Variants in INSYN2B observed in about 807,000 individuals in gnomAD.
INSYN2B encodes protein INSYN2B.
A neutral mutation model predicts 41.2 loss-of-function variants in INSYN2B; 16 were observed. The ratio of observed to expected loss-of-function variants is 0.39; its 90% CI spans 0.26 to 0.59. The LOEUF (loss-of-function observed/expected upper bound fraction) is 0.59, where lower values mean the gene tolerates loss of function less well. Ranked by LOEUF, INSYN2B falls within the 20% of genes least tolerant of loss-of-function variation. The pLI is 0.57. For synonymous variants in INSYN2B, 245 were observed against 244.4 expected (o/e 1.00, Z -0.02); for missense variants, 608 against 646.4 (o/e 0.94, Z 0.64).
intron 1 of INSYN2B, among the ~76,000 whole-genome samples, chr5:169,907,985 A>G (rs1035288033): frequency 5.3e-5 from 8 of 152,278 alleles, no homozygotes; most frequent in South Asian, 2.1e-4. Flanking sequence ...CCCAGTCTCC[A>G]CTGAAGTGTT....
At chr5:169,950,637 G>A (rs529665571) in intron 1 of INSYN2B, among the ~76,000 whole-genome samples, 142 of 152,342 alleles carry the variant, frequency 9.3e-4, no homozygotes, top group Non-Finnish European at 1.5e-3. Flanking sequence ...GAGGCCTCAG[G>A]TGTACTCTTT....
chr5:169,949,646 G>C (rs1451196281), intron 1 of INSYN2B, among the ~76,000 whole-genome samples: 1 of 151,228 alleles, frequency 6.6e-6, no homozygotes, highest in Non-Finnish European at 1.5e-5. Flanking sequence ...GATTTCTTTG[G>C]GCTGTGGCTC....
intron 1 of INSYN2B, among the ~76,000 whole-genome samples, chr5:169,893,218 C>G (rs1173577177): frequency 1.3e-5 from 2 of 152,218 alleles, no homozygotes; most frequent in Non-Finnish European, 2.9e-5. Flanking sequence ...GGTACATTCA[C>G]CCCTCTAGCC....
chr5:169,915,557 AACACACACACACACACACACACACACAC>A (rs56728646), intron 1 of INSYN2B, among the ~76,000 whole-genome samples: 1 of 143,384 alleles, frequency 7.0e-6, no homozygotes, highest in African/African-American at 2.6e-5. Flanking sequence ...ATTGACAGGG[AACACACACACACACACACACACACACAC>A]ACACACACAC....
Position 169,933,097 on chromosome 5 carries a change from GC to G in INSYN2B, c.-919+47179del, listed in dbSNP as rs770209577. On this transcript the variant is annotated intron_variant, in intron 1 of 3. Transcript: ENST00000377365. The stretch of plus-strand genomic sequence containing the variant: ...CCTACAGTCGTTAAGTAAGAGAGAT[GC>G]CCTTACTCCCGACCCTCTCACCTGA... Among the ~76,000 whole-genome samples the G allele has an allele frequency of 2.0e-5, 3 of 152,314 alleles. No individual in the cohort carries two copies. The South Asian group carries it at 6.2e-4, about 32-fold the overall frequency.
intron 1 of INSYN2B, among the ~76,000 whole-genome samples, chr5:169,962,014 G>A (rs977614920): frequency 4.1e-5 from 6 of 145,664 alleles, no homozygotes; most frequent in Non-Finnish European, 8.9e-5. Context: ...AAGAATAGAG[G>A]CCAGAACTTA....
intron 1 of INSYN2B, among the ~76,000 whole-genome samples, chr5:169,913,789 A>T (rs1210069276): frequency 6.6e-6 from 1 of 152,198 alleles, no homozygotes; most frequent in Non-Finnish European, 1.5e-5. Flanking sequence ...TTGATCAATG[A>T]GGAATTAGAT....
rs114791838 is a variant in INSYN2B at position 169,895,057 on chromosome 5, A to G, written c.-918-10241T>C. Among the ~76,000 whole-genome samples the G allele has an allele frequency of 3.9e-3, 593 of 152,212 alleles. 1 individual carries two copies. The highest frequency in any genetic ancestry group is 7.0e-3 in the Non-Finnish European group (473 of 68,000). On this transcript the variant is annotated intron_variant, in intron 1 of 3. Transcript: ENST00000377365. ...AGACCATTGCTGGAATCGATGTTGCATTCTGGGACTTAGGCTCTCTGCCTG... is the reference window on the plus strand; with the variant it reads ...AGACCATTGCTGGAATCGATGTTGCGTTCTGGGACTTAGGCTCTCTGCCTG...
At chr5:169,898,346 C>G (rs1011609179) in intron 1 of INSYN2B, among the ~76,000 whole-genome samples, 1 of 152,180 alleles carries the variant, frequency 6.6e-6, no homozygotes, top group African/African-American at 2.4e-5. Context: ...CCCACAGCAG[C>G]CAGGTGTACT....
At chr5:169,893,162 C>T (rs753102487) in intron 1 of INSYN2B, among the ~76,000 whole-genome samples, 27 of 152,178 alleles carry the variant, frequency 1.8e-4, no homozygotes, top group Non-Finnish European at 3.4e-4. Context: ...CTTGAATTTC[C>T]TCTTTTGCAA....
chr5:169,903,025 G>T (rs1471266003), intron 1 of INSYN2B, among the ~76,000 whole-genome samples: 1 of 152,056 alleles, frequency 6.6e-6, no homozygotes, highest in Non-Finnish European at 1.5e-5. Context: ...TTGAACAAAG[G>T]AGGTGGAGGT....
intron 1 of INSYN2B, among the ~76,000 whole-genome samples, chr5:169,897,217 G>C (rs1007776948): frequency 6.6e-6 from 1 of 151,916 alleles, no homozygotes; most frequent in African/African-American, 2.4e-5. Context: ...ACAGAGTCTT[G>C]CTCTGCCACC....
At chr5:169,963,915 T>G (rs931151153) in intron 1 of INSYN2B, among the ~76,000 whole-genome samples, 4 of 152,092 alleles carry the variant, frequency 2.6e-5, no homozygotes, top group African/African-American at 9.7e-5. Flanking sequence ...AATGTGCATT[T>G]CAAATAAGTT....
chr5:169,925,823 C>T (rs953257253), intron 1 of INSYN2B, among the ~76,000 whole-genome samples: 8 of 152,080 alleles, frequency 5.3e-5, no homozygotes, highest in Non-Finnish European at 1.2e-4. Flanking sequence ...TCTATTGCTG[C>T]TATTATCACT....
At position 169,879,729 on chromosome 5, in the gene INSYN2B, A is replaced by G. The variant is rs368390056; in HGVS notation, c.1421+1639T>C. Among the ~76,000 whole-genome samples the G allele has an allele frequency of 3.8e-3, 577 of 152,312 alleles. 37 individuals are homozygous for G. In the South Asian group the frequency reaches 0.11, roughly 30 times the overall value. ...TTTTAATTCGGTTTAGAATATCAGA[A>G]TGTCAGAACTAAAAGGGACTCTTGG... On this transcript the variant is annotated intron_variant, in intron 3 of 3. Coordinates refer to ENST00000377365, the MANE Select transcript of INSYN2B (RefSeq NM_001129891.3).
chr5:169,970,526 G>C (rs2113762812), intron 1 of INSYN2B, among the ~76,000 whole-genome samples: 1 of 152,282 alleles, frequency 6.6e-6, no homozygotes, highest in South Asian at 2.1e-4. Flanking sequence ...CATATGACTG[G>C]GTTGTAATGT....
At chr5:169,916,432 G>A (rs949166507) in intron 1 of INSYN2B, among the ~76,000 whole-genome samples, 3 of 152,172 alleles carry the variant, frequency 2.0e-5, no homozygotes, top group Middle Eastern at 3.2e-3. Context: ...ACCTTGCCAT[G>A]GGGACAAATG....
At chr5:169,953,648 G>A (rs1227549785) in intron 1 of INSYN2B, among the ~76,000 whole-genome samples, 2 of 152,178 alleles carry the variant, frequency 1.3e-5, no homozygotes, top group African/African-American at 2.4e-5. Flanking sequence ...TCACAGAGGA[G>A]GTAGCAAGTA....
At chr5:169,929,504 A>C (rs1455180593) in intron 1 of INSYN2B, among the ~76,000 whole-genome samples, 1 of 152,038 alleles carries the variant, frequency 6.6e-6, no homozygotes. Context: ...TGGAAGGCTG[A>C]GGGGGGAGGA....
Sources: allele counts gnomAD v4.1 joint callset (sites outside exome capture counted in the v4.1 genomes callset), GRCh38; gene constraint gnomAD v4.1.1; transcripts MANE v1.5; gene names NCBI Gene and HGNC (gene_info 2026-07-23, HGNC 2026-07-21).